NUDCD3: variants seen among roughly 807,000 people sequenced by gnomAD.
NUDCD3 encodes NudC domain containing 3.
NUDCD3 carries 13 observed loss-of-function variants against 39.7 expected under a neutral mutation model. The observed-to-expected ratio is 0.33, with a 90% CI of 0.21 to 0.52. NUDCD3 has a LOEUF of 0.52. Among genes scored for constraint, NUDCD3 ranks in the 20% least tolerant of loss-of-function variants. NUDCD3 has a pLI of 0.96. For missense variants in NUDCD3, 453 were observed against 458.1 expected (o/e 0.99, Z 0.10); for synonymous variants, 175 against 172.4 (o/e 1.02, Z -0.12).
chr7:44,394,028 C>T (rs1384177666), intron 4 of NUDCD3, among the ~76,000 whole-genome samples: 1 of 152,212 alleles, frequency 6.6e-6, no homozygotes, highest in South Asian at 2.1e-4. Context: ...GTACTCAGCA[C>T]CAGACTCTGC....
chr7:44,381,243 C>T lies in NUDCD3; in HGVS notation c.*4768G>A, dbSNP rs926358594. On this transcript the variant is annotated 3_prime_UTR_variant, in exon 6 of 6. Coordinates refer to ENST00000355451, the MANE Select transcript of NUDCD3 (RefSeq NM_015332.4). Reference sequence around the variant, plus strand: ...GATGAACAGTCCACTGGGAATGGGGCCTGCAGTGGCCCTGGATGATTTCAG... The same window carrying T: ...GATGAACAGTCCACTGGGAATGGGGTCTGCAGTGGCCCTGGATGATTTCAG... 2 of 152,296 alleles carry T rather than the reference C, an allele frequency of 1.3e-5. No individual in the cohort carries two copies. The highest frequency in any genetic ancestry group is 4.8e-5 in the African/African-American group (2 of 41,438). 9.4% of individuals were successfully genotyped at this position (152,296 alleles called of 1,614,324 possible).
intron 2 of NUDCD3, among the ~76,000 whole-genome samples, chr7:44,456,060 A>AAC (rs1382400665): frequency 3.5e-5 from 4 of 115,560 alleles, no homozygotes; most frequent in South Asian, 5.4e-4. Context: ...ACAAAAAAAC[A>AAC]AACAACAATA....
rs1369224325 is a variant in NUDCD3 at position 44,392,489 on chromosome 7, G to GGGA, written c.787-7_787-5dup. On this transcript the variant is annotated splice_polypyrimidine_tract_variant and splice_region_variant and intron_variant, in intron 4 of 5. Coordinates refer to ENST00000355451, the MANE Select transcript of NUDCD3 (RefSeq NM_015332.4). ...CGCCCACCTTGCTCAGGTTCACCTG[G>GGGA]GGACAAGCAGGACAGAGACCTGAGT... The GGGA allele has an allele frequency of 6.2e-7, 1 of 1,613,376 alleles. No individual in the cohort carries two copies. Among genetic ancestry groups the GGGA allele is most frequent in the Admixed American group, 1.7e-5 (1 of 60,002 alleles).
In NUDCD3 at chr7:44,385,998, T is replaced by C. The variant is rs373558529; in HGVS notation, c.*13A>G. ...GCCTCCCCACCGGCGAGGGTTTCCT[T>C]TCCTTCTGGTCATTAAAACTGCACA... is the stretch of plus-strand genomic sequence containing the variant. On this transcript the variant is annotated 3_prime_UTR_variant, in exon 6 of 6. Transcript: ENST00000355451. 1 of 1,366,792 alleles carries C rather than the reference T, an allele frequency of 7.3e-7. No individual in the cohort carries two copies. The highest frequency in any genetic ancestry group is 1.0e-6 in the Non-Finnish European group (1 of 954,768). 84.7% of individuals were successfully genotyped at this position (1,366,792 alleles called of 1,614,324 possible).
At chr7:44,450,512 C>T (rs150200860) in intron 2 of NUDCD3, among the ~76,000 whole-genome samples, 3 of 152,070 alleles carry the variant, frequency 2.0e-5, no homozygotes, top group East Asian at 3.9e-4. Context: ...CAAATGCTGG[C>T]CATGCATACT....
intron 2 of NUDCD3, among the ~76,000 whole-genome samples, chr7:44,466,423 AAC>A (rs1202867992): frequency 6.6e-6 from 1 of 152,080 alleles, no homozygotes; most frequent in African/African-American, 2.4e-5. Context: ...TGGAGAGAGA[AAC>A]AGTTTTCTGT....
chr7:44,424,584 C>T (rs920111547), intron 3 of NUDCD3, among the ~76,000 whole-genome samples: 1 of 152,134 alleles, frequency 6.6e-6, no homozygotes, highest in Non-Finnish European at 1.5e-5. Flanking sequence ...AAAACCACAA[C>T]GAGATACCAT....
chr7:44,457,347 T>C (rs1799924462), intron 2 of NUDCD3, among the ~76,000 whole-genome samples: 1 of 152,208 alleles, frequency 6.6e-6, no homozygotes, highest in Non-Finnish European at 1.5e-5. Context: ...AAATAAATAG[T>C]ATCCAGATGA....
At chr7:44,421,688 C>A (rs552255568) in intron 3 of NUDCD3, among the ~76,000 whole-genome samples, 2 of 152,236 alleles carry the variant, frequency 1.3e-5, no homozygotes, top group South Asian at 4.1e-4. Flanking sequence ...TAGAGACCTA[C>A]AAAGAGACTT....
intron 2 of NUDCD3, among the ~76,000 whole-genome samples, chr7:44,472,237 C>G (rs959990695): frequency 6.6e-6 from 1 of 152,118 alleles, no homozygotes; most frequent in Non-Finnish European, 1.5e-5. Flanking sequence ...TGATGTATTA[C>G]TAAATATAGT....
intron 2 of NUDCD3, among the ~76,000 whole-genome samples, chr7:44,476,189 T>C (rs1800365003): frequency 6.6e-6 from 1 of 152,092 alleles, no homozygotes; most frequent in African/African-American, 2.4e-5. Context: ...TCTCAGGCAG[T>C]GTGAGCCTAC....
intron 2 of NUDCD3, chr7:44,468,390 A>T: frequency 9.2e-7 from 1 of 1,081,218 alleles, no homozygotes. Flanking sequence ...ACTAAGGCCC[A>T]GGGAGACGAA....
chr7:44,453,091 G>A (rs999802316), intron 2 of NUDCD3, among the ~76,000 whole-genome samples: 1 of 152,140 alleles, frequency 6.6e-6, no homozygotes, highest in African/African-American at 2.4e-5. Flanking sequence ...GGTGGCTCAC[G>A]CCTGTAATCC....
At chr7:44,489,633 C>A (rs973922737) in intron 1 of NUDCD3, among the ~76,000 whole-genome samples, 8 of 152,298 alleles carry the variant, frequency 5.3e-5, no homozygotes, top group African/African-American at 1.9e-4. Context: ...ACTTCTCAAC[C>A]ATCATTTCTA....
rs745769677 is a variant in NUDCD3, at chr7:44,490,622, G to A, written c.-22C>T. 8 of 1,586,268 alleles carry A rather than the reference G, an allele frequency of 5.0e-6. No homozygotes were observed. The highest frequency in any genetic ancestry group is 1.8e-5 in the Admixed American group (1 of 56,810). ...CCATGTCGCCTCCCGCCCTAGGTAC[G>A]CTTCACACACACAGCGCCGCCTCAG... On this transcript the variant is annotated 5_prime_UTR_variant, in exon 1 of 6. Coordinates refer to ENST00000355451, the MANE Select transcript of NUDCD3 (RefSeq NM_015332.4).
chr7:44,448,060 T>C (rs1799719518), intron 2 of NUDCD3, among the ~76,000 whole-genome samples: 1 of 152,178 alleles, frequency 6.6e-6, no homozygotes, highest in South Asian at 2.1e-4. Context: ...CCCACCACAC[T>C]TGGTAGCTGA....
intron 2 of NUDCD3, among the ~76,000 whole-genome samples, chr7:44,460,782 G>A (rs577734434): frequency 1.3e-5 from 2 of 152,256 alleles, no homozygotes; most frequent in South Asian, 4.1e-4. Context: ...TTAAACCCTG[G>A]ATCCAGTACT....
Position 44,386,600 on chromosome 7 carries a change from G to A in NUDCD3, c.976-479C>T, listed in dbSNP as rs566626207. 2.0e-5 allele frequency among the ~76,000 whole-genome samples: 3 copies of A among 152,318 alleles called. No individual in the cohort carries two copies. In the South Asian group the frequency reaches 6.2e-4, roughly 32 times the overall value. On this transcript the variant is annotated intron_variant, in intron 5 of 5. Coordinates refer to ENST00000355451, the MANE Select transcript of NUDCD3 (RefSeq NM_015332.4). ...GCAGAGGAGATACCCTAGCACCCCA[G>A]TTATCAGCATCAAGAACTATATCAT...
intron 2 of NUDCD3, among the ~76,000 whole-genome samples, chr7:44,480,941 C>CAAAAA (rs1164765600): frequency 2.9e-4 from 10 of 34,876 alleles, no homozygotes; most frequent in East Asian, 3.3e-3. Flanking sequence ...GACCCAGTAT[C>CAAAAA]AAAAAAAAAA....
Sources: allele counts gnomAD v4.1 joint callset (sites outside exome capture counted in the v4.1 genomes callset), GRCh38; gene constraint gnomAD v4.1.1; transcripts MANE v1.5; gene names NCBI Gene and HGNC (gene_info 2026-07-23, HGNC 2026-07-21).